MZT2A: variants seen among roughly 807,000 people sequenced by gnomAD.
The protein encoded by MZT2A is mitotic spindle organizing protein 2A.
MZT2A carries 8 observed loss-of-function variants against 12.4 expected under a neutral mutation model. The observed-to-expected ratio is 0.64, with a 90% confidence interval of 0.38 to 1.16. MZT2A has a LOEUF of 1.16. MZT2A is among the 50% of genes most tolerant of loss of function. The pLI is 0.01. For synonymous variants in MZT2A, 88 were observed against 107.5 expected, an observed-to-expected ratio of 0.82 and a Z score of 1.12; for missense variants, 181 against 223.6, an observed-to-expected ratio of 0.81 and a Z score of 1.22.
chr2:131,475,859 G>T (rs1480762156), intron 2 of MZT2A, among the ~76,000 whole-genome samples: 1 of 152,124 alleles, frequency 6.6e-6, no homozygotes, highest in Non-Finnish European at 1.5e-5. Flanking sequence ...GCAATGTTCC[G>T]CGACCCACAG....
intron 2 of MZT2A, among the ~76,000 whole-genome samples, chr2:131,475,863 C>A (rs1678641094): frequency 6.6e-6 from 1 of 152,164 alleles, no homozygotes; most frequent in Non-Finnish European, 1.5e-5. Flanking sequence ...TGTTCCGCGA[C>A]CCACAGAGGC....
In MZT2A at chr2:131,471,160, C is replaced by T. The variant is rs370461832; in HGVS notation, c.394-817G>A. Among the ~76,000 whole-genome samples the T allele has an allele frequency of 1.4e-5, 2 of 139,378 alleles. 1 individual carries two copies. The highest frequency in any genetic ancestry group is 6.8e-5 in the African/African-American group (2 of 29,406). 91.4% of individuals were successfully genotyped at this position (139,378 alleles called of 152,430 possible). A position where few individuals can be genotyped will look rare whatever the true frequency, so the allele number is the denominator to read the frequency against. On this transcript the variant is annotated intron_variant and NMD_transcript_variant, in intron 3 of 4. Transcript: ENST00000427024. ...CTCCCACATGGGGAGAAAAGGCCTCCCCAGGCCTCTCTGGGTCCAGCTCAG... is the reference window on the plus strand; with the variant it reads ...CTCCCACATGGGGAGAAAAGGCCTCTCCAGGCCTCTCTGGGTCCAGCTCAG...
chr2:131,492,782 G>GT (rs113625486), upstream of MZT2A: 10 of 1,248,812 alleles, frequency 8.0e-6, no homozygotes, highest in East Asian at 1.6e-4. Context: ...GTCGCTCTTC[G>GT]GGGGGGGTGG....
chr2:131,471,774 C>G (rs2950560), intron 3 of MZT2A, among the ~76,000 whole-genome samples: 5 of 150,592 alleles, frequency 3.3e-5, no homozygotes, highest in African/African-American at 7.5e-5. Flanking sequence ...CTGCTTACTC[C>G]GCGGGGTTGA....
At chr2:131,476,979 TC>T (rs1198946331) in intron 2 of MZT2A, among the ~76,000 whole-genome samples, 1 of 144,444 alleles carries the variant, frequency 6.9e-6, no homozygotes, top group African/African-American at 2.8e-5. Context: ...GATTCCCAAG[TC>T]CCAAGTCTGA....
rs191528378 is a variant in MZT2A, at chr2:131,484,077, G to C, written c.461C>G (p.Thr154Arg). 2.5e-6 allele frequency: 4 copies of C among 1,612,616 alleles called. No individual in the cohort carries two copies. The Admixed American group carries it at 6.7e-5, about 27-fold the overall frequency. Residue 154 changes from threonine to arginine, a missense_variant, in exon 3 of 3, where the codon ACG (threonine) becomes AGG (arginine). Physicochemically the swap from Thr to Arg is moderately conservative, Grantham distance 71 (BLOSUM62 -1). This residue lies in a region of MZT2A where 72 missense variants were observed against 76.9 expected (regional missense o/e 0.94). Transcript: ENST00000309451. ...PKGGGPGKSPTQGST is the reference protein window; with the variant it reads ...PKGGGPGKSPRQGST Reference sequence around the variant, plus strand: ...TGCCCCATCCTAGGTGCTGCCCTGCGTAGGGCTCTTCCCAGGCCCGCCCCC... The same window carrying C: ...TGCCCCATCCTAGGTGCTGCCCTGCCTAGGGCTCTTCCCAGGCCCGCCCCC...
intron 2 of MZT2A, among the ~76,000 whole-genome samples, chr2:131,476,888 T>C (rs941134054): frequency 1.3e-5 from 2 of 148,536 alleles, no homozygotes; most frequent in African/African-American, 5.2e-5. Flanking sequence ...TGAGTCGTGA[T>C]GGCGCCAGTG....
At chr2:131,473,085 G>A (rs1267592770) in intron 2 of MZT2A, among the ~76,000 whole-genome samples, 3 of 152,166 alleles carry the variant, frequency 2.0e-5, no homozygotes, top group African/African-American at 7.2e-5. Flanking sequence ...CCTCCCCATG[G>A]GAGGACATGG....
downstream of MZT2A, among the ~76,000 whole-genome samples, chr2:131,483,429 G>A (rs1245349748): frequency 2.6e-5 from 4 of 152,110 alleles, no homozygotes; most frequent in Admixed American, 1.3e-4. Flanking sequence ...GGCAGCGTTC[G>A]CCCTCTGTGC....
intron 2 of MZT2A, among the ~76,000 whole-genome samples, chr2:131,477,449 G>A (rs1400777820): frequency 6.6e-6 from 1 of 152,134 alleles, no homozygotes; most frequent in Admixed American, 6.5e-5. Context: ...AAGAAATTGG[G>A]AGGGTAGTTT....
rs146922094 is a variant in MZT2A at position 131,477,915 on chromosome 2, T to C, written c.279-5733A>G. 6.4e-3 allele frequency among the ~76,000 whole-genome samples: 977 copies of C among 152,320 alleles called. 12 individuals carry two copies. Among genetic ancestry groups the C allele is most frequent in the African/African-American group, 0.022 (928 of 41,566 alleles). The stretch of plus-strand genomic sequence containing the variant: ...ATTACATGGCTTCCAAGTTTTAAAA[T>C]AACCTAAGTTTTGTGTAGTGGCAAA... On this transcript the variant is annotated intron_variant and NMD_transcript_variant, in intron 2 of 4. Transcript: ENST00000427024.
chr2:131,483,122 G>C (rs1573864990), downstream of MZT2A, among the ~76,000 whole-genome samples: 1 of 152,174 alleles, frequency 6.6e-6, no homozygotes, highest in Non-Finnish European at 1.5e-5. Context: ...TCAAAGCCAG[G>C]TGTTCAATGT....
At chr2:131,492,961 C>T (rs1296118057), upstream of MZT2A, 25 of 1,523,916 alleles carry the variant, frequency 1.6e-5, no homozygotes, top group Non-Finnish European at 2.0e-5. Flanking sequence ...CCCTGGCCGG[C>T]CGGCCGGCCT....
At chr2:131,490,140 C>A in intron 2 of MZT2A, 1 of 685,528 alleles carries the variant, frequency 1.5e-6, no homozygotes, top group Non-Finnish European at 1.8e-6. Context: ...GAGGCGCGAC[C>A]AAAGACCCCT....
chr2:131,476,208 G>A (rs2622027), intron 2 of MZT2A: 63 of 1,613,920 alleles, frequency 3.9e-5, no homozygotes, highest in South Asian at 2.5e-4. Flanking sequence ...CCATGGTAAG[G>A]CCCGGGTCAC....
chr2:131,492,774 CG>C, upstream of MZT2A: 1 of 1,026,536 alleles, frequency 9.7e-7, no homozygotes, highest in South Asian at 1.4e-5. Context: ...CACTAGGGGT[CG>C]CTCTTCGGGG....
downstream of MZT2A, among the ~76,000 whole-genome samples, chr2:131,483,598 C>T (rs1161059791): frequency 2.6e-5 from 4 of 152,080 alleles, no homozygotes; most frequent in Non-Finnish European, 5.9e-5. Context: ...CACTGTAGGC[C>T]CAGCTACTTG....
upstream of MZT2A, chr2:131,493,079 T>G: frequency 6.7e-7 from 1 of 1,496,982 alleles, no homozygotes; most frequent in Non-Finnish European, 9.0e-7. Context: ...TGACGACGTT[T>G]TGGCGCGGTG....
downstream of MZT2A, chr2:131,479,575 C>T (rs1399780376): frequency 4.5e-6 from 7 of 1,542,366 alleles, no homozygotes; most frequent in Admixed American, 9.0e-5. Flanking sequence ...CGCGGTGGCT[C>T]ACACATGTAA....
Sources: gnomAD v4.1 joint callset for allele counts (sites outside exome capture counted in the v4.1 genomes callset) on GRCh38, gnomAD v4.1.1 for gene constraint, gnomAD v4.1.1 regional missense constraint, MANE v1.5 for transcripts, NCBI Gene and HGNC (gene_info 2026-07-23, HGNC 2026-07-21) for gene names.